Variants in DOCK11 observed in about 807,000 individuals in gnomAD.
DOCK11 encodes the protein dedicator of cytokinesis protein 11.
A neutral mutation model predicts 169.1 loss-of-function variants in DOCK11; 70 were observed. The ratio of observed to expected loss-of-function variants is 0.41; its 90% confidence interval spans 0.34 to 0.51. The LOEUF is 0.51. Ranked by LOEUF, DOCK11 falls within the 20% of genes least tolerant of loss-of-function variation. DOCK11 has a pLI of 0.10. For missense variants in DOCK11, 1,166 were observed against 1,538.8 expected, an observed-to-expected ratio of 0.76 and a Z score of 4.05; for synonymous variants, 529 against 541.3, an observed-to-expected ratio of 0.98 and a Z score of 0.32.
intron 6 of DOCK11, among the ~76,000 whole-genome samples, chrX:118,554,413 C>T (rs955449488): frequency 4.5e-5 from 5 of 110,160 alleles, no homozygotes; most frequent in South Asian, 3.9e-4. Context: ...AGCCAGGCGT[C>T]GTGGTGTGCA....
intron 20 of DOCK11, among the ~76,000 whole-genome samples, chrX:118,594,189 A>G (rs1371136454): frequency 8.9e-6 from 1 of 111,924 alleles, no homozygotes; most frequent in African/African-American, 3.3e-5. Flanking sequence ...GGCTTTACGT[A>G]AACCAATGGG....
At chrX:118,597,644 C>A in intron 21 of DOCK11, 92 bp downstream of exon 21, 2 of 1,072,492 alleles carry the variant, frequency 1.9e-6, no homozygotes, top group South Asian at 2.0e-5. Flanking sequence ...CAATGTTACT[C>A]AAAGTGGGGT....
At chrX:118,540,049 C>A (rs1380474181) in intron 1 of DOCK11, among the ~76,000 whole-genome samples, 1 of 27,638 alleles carries the variant, frequency 3.6e-5, no homozygotes, top group Non-Finnish European at 5.8e-5. Flanking sequence ...AAAACTCCAT[C>A]TCAAAAAAAA....
Position 118,610,194 on chromosome X carries a change from A to G in DOCK11, c.2950-78A>G, listed in dbSNP as rs753136872. On this transcript the variant is annotated intron_variant, in intron 27 of 52. Coordinates refer to ENST00000276202, the MANE Select transcript of DOCK11 (RefSeq NM_144658.4). ...GTTTTAAGATATATTTATTTGTAGA[A>G]TGTGTTTGAAAGTAAAAATGGCAAT... 6.2e-6 allele frequency: 6 copies of G among 971,203 alleles called. No homozygotes were observed. The East Asian group carries it at 1.8e-4, about 30-fold the overall frequency. The allele number at this position is 971,203 out of a possible 1,213,427, so 80.0% of individuals were successfully genotyped here. A position where few individuals can be genotyped will look rare whatever the true frequency, so the allele number is the denominator to read the frequency against.
intron 40 of DOCK11, among the ~76,000 whole-genome samples, chrX:118,647,627 TTA>T (rs1385124028): frequency 3.3e-5 from 2 of 60,472 alleles, no homozygotes; most frequent in African/African-American, 7.3e-5. Flanking sequence ...ATAAGATATA[TTA>T]TATGTTAATA....
chrX:118,667,432 T>A (rs1026596465), intron 45 of DOCK11, among the ~76,000 whole-genome samples: 5 of 109,440 alleles, frequency 4.6e-5, no homozygotes, highest in African/African-American at 1.7e-4. Flanking sequence ...GTTTTTTTTT[T>A]TTTTAAGACG....
intron 23 of DOCK11, among the ~76,000 whole-genome samples, chrX:118,604,137 T>C (rs763268971): frequency 9.0e-6 from 1 of 111,713 alleles, no homozygotes; most frequent in South Asian, 3.7e-4. Context: ...ACCAAAACTG[T>C]TTCCAGACAT....
chrX:118,549,445 ATTTC>A (rs1377519438), intron 6 of DOCK11, among the ~76,000 whole-genome samples: 1 of 111,465 alleles, frequency 9.0e-6, no homozygotes, highest in Admixed American at 9.6e-5. Context: ...TGCTCGGCCT[ATTTC>A]TTTCTTTTTA....
At chrX:118,496,487 G>A (rs1033217269) in intron 1 of DOCK11, among the ~76,000 whole-genome samples, 4 of 112,957 alleles carry the variant, frequency 3.5e-5, no homozygotes, top group African/African-American at 9.6e-5. Context: ...GGCCGCCTAG[G>A]CGGAAGGATG....
At chrX:118,526,680 G>C (rs993646439) in intron 1 of DOCK11, among the ~76,000 whole-genome samples, 2 of 112,303 alleles carry the variant, frequency 1.8e-5, no homozygotes, top group Non-Finnish European at 3.8e-5. Context: ...AGAGGAAAAG[G>C]CTCATTGATT....
intron 30 of DOCK11, among the ~76,000 whole-genome samples, chrX:118,617,105 A>C (rs1283080582): frequency 8.9e-6 from 1 of 112,062 alleles, no homozygotes; most frequent in Non-Finnish European, 1.9e-5. Flanking sequence ...ACAGGCCAAA[A>C]GAAAAATAGA....
chrX:118,517,356 G>A (rs187616634), intron 1 of DOCK11, among the ~76,000 whole-genome samples: 2 of 107,842 alleles, frequency 1.9e-5, no homozygotes, highest in East Asian at 5.7e-4. Context: ...GCACTCCAGC[G>A]TGGGTGACAG....
At chrX:118,516,018 T>TATATATATATATATAC (rs1269373292) in intron 1 of DOCK11, among the ~76,000 whole-genome samples, 9 of 81,352 alleles carry the variant, frequency 1.1e-4, no homozygotes, top group Non-Finnish European at 2.1e-4. Context: ...TATATATATA[T>TATATATATATATATAC]ACATTCTTAC....
rs745799371 is a variant in DOCK11 at position 118,545,352 on chromosome X, A to G, written c.422A>G (p.Asn141Ser). ...CKSLRPEKIP[N>S]HVFEIDEDCE... ...TCTTTGAGACCAGAAAAGATTCCTA[A>G]TCATGTATTTGAGATAGATGAAGAC... The change falls in exon 5 of 53, where the codon AAT becomes AGT. Residue 141 changes from asparagine to serine, a missense_variant. Coordinates refer to ENST00000276202, the MANE Select transcript of DOCK11 (RefSeq NM_144658.4). The G allele has an allele frequency of 1.0e-5, 12 of 1,201,989 alleles. No individual in the cohort carries two copies. In the South Asian group the frequency reaches 2.2e-4, roughly 22 times the overall value.
chrX:118,590,707 A>G (rs1286843124), intron 19 of DOCK11, among the ~76,000 whole-genome samples: 2 of 112,112 alleles, frequency 1.8e-5, no homozygotes, highest in South Asian at 3.7e-4. Context: ...ATGGTTTTAC[A>G]CAGTAGGGTG....
chrX:118,586,600 G>T (rs1412465185), intron 16 of DOCK11, among the ~76,000 whole-genome samples: 1 of 111,534 alleles, frequency 9.0e-6, no homozygotes, highest in Non-Finnish European at 1.9e-5. Context: ...CATATCACAA[G>T]GGCAGCTGTA....
chrX:118,561,293 G>A, intron 6 of DOCK11, 90 bp from the exon 7 acceptor site: 9 of 924,300 alleles, frequency 9.7e-6, no homozygotes, highest in Non-Finnish European at 1.3e-5. Context: ...ACAATTGCCT[G>A]GCAAGCTTTT....
At chrX:118,597,068 CA>C (rs1050277875) in intron 20 of DOCK11, among the ~76,000 whole-genome samples, 5 of 111,939 alleles carry the variant, frequency 4.5e-5, no homozygotes, top group African/African-American at 9.8e-5. Flanking sequence ...AAAATAAATC[CA>C]CCAAAAATAT....
At chrX:118,497,912 CCT>C (rs1198918955) in intron 1 of DOCK11, among the ~76,000 whole-genome samples, 1 of 112,275 alleles carries the variant, frequency 8.9e-6, no homozygotes, top group African/African-American at 3.2e-5. Context: ...CATTCTTTCC[CCT>C]GTTTTTAGGT....
Sources: allele counts gnomAD v4.1 joint callset (sites outside exome capture counted in the v4.1 genomes callset), GRCh38; gene constraint gnomAD v4.1.1; transcripts MANE v1.5; gene names NCBI Gene and HGNC (gene_info 2026-07-23, HGNC 2026-07-21).